The following CDH4 variants were observed in gnomAD, a reference collection of about 807,000 sequenced individuals.
CDH4 encodes cadherin-4.
In CDH4, 33 loss-of-function variants were observed where a neutral mutation model predicts 86.0. The observed-to-expected ratio is 0.38, with a 90% CI of 0.29 to 0.51. CDH4 has a LOEUF of 0.51. CDH4 is among the 20% of genes least tolerant of loss of function. The probability of loss-of-function intolerance (pLI) is 0.86; values close to 1 mark genes in which losing one functional copy is unlikely to be tolerated. For missense variants in CDH4, 1,114 were observed against 1,307.4 expected (o/e 0.85, Z 2.28); for synonymous variants, 555 against 549.4 (o/e 1.01, Z -0.14).
intron 6 of CDH4, among the ~76,000 whole-genome samples, chr20:61,853,304 T>G (rs1041739554): frequency 2.0e-5 from 3 of 151,878 alleles, no homozygotes; most frequent in Admixed American, 6.5e-5. Context: ...GGGAGCAAGG[T>G]GCCCATGCCA....
At chr20:61,873,980 C>G in intron 7 of CDH4, 80 bp downstream of exon 7, 4 of 1,487,034 alleles carry the variant, frequency 2.7e-6, no homozygotes, top group Middle Eastern at 1.8e-4. Flanking sequence ...CGGGGAGCCT[C>G]TCCAGTGGCG....
chr20:61,911,548 G>A (rs1023098580), intron 9 of CDH4, among the ~76,000 whole-genome samples: 3 of 152,270 alleles, frequency 2.0e-5, no homozygotes, highest in African/African-American at 7.2e-5. Flanking sequence ...TTAGAGAAAA[G>A]GAGGGGTGAC....
intron 2 of CDH4, among the ~76,000 whole-genome samples, chr20:61,608,548 C>T (rs1008750053): frequency 6.6e-6 from 1 of 152,248 alleles, no homozygotes; most frequent in Non-Finnish European, 1.5e-5. Flanking sequence ...AAGGACTGCA[C>T]TTGTTCTTCC....
At chr20:61,560,848 C>G (rs1024265283) in intron 2 of CDH4, among the ~76,000 whole-genome samples, 3 of 152,030 alleles carry the variant, frequency 2.0e-5, no homozygotes, top group African/African-American at 7.3e-5. Flanking sequence ...CTCTGGACCT[C>G]CATACTGGAT....
At chr20:61,746,658 C>T (rs926819181) in intron 3 of CDH4, among the ~76,000 whole-genome samples, 1 of 152,254 alleles carries the variant, frequency 6.6e-6, no homozygotes, top group African/African-American at 2.4e-5. Context: ...AGAATTCACA[C>T]AACTTTGAGG....
intron 2 of CDH4, among the ~76,000 whole-genome samples, chr20:61,397,590 A>T (rs17806693): frequency 0.11 from 17,153 of 152,110 alleles, 1,211 homozygotes; most frequent in Non-Finnish European, 0.16. Flanking sequence ...ACTTTTTGTA[A>T]ATCCTGTCAT....
intron 2 of CDH4, among the ~76,000 whole-genome samples, chr20:61,728,799 CG>C (rs1376052719): frequency 3.9e-5 from 6 of 152,130 alleles, no homozygotes; most frequent in African/African-American, 1.2e-4. Context: ...AAAAATGTGA[CG>C]TTTTTAAGAG....
At chr20:61,670,323 A>G (rs986912652) in intron 2 of CDH4, among the ~76,000 whole-genome samples, 11 of 152,190 alleles carry the variant, frequency 7.2e-5, no homozygotes, top group Non-Finnish European at 1.3e-4. Context: ...AGGAAGAGAA[A>G]AACTGTTTTC....
chr20:61,680,257 A>G (rs1600867707), intron 2 of CDH4, among the ~76,000 whole-genome samples: 1 of 152,196 alleles, frequency 6.6e-6, no homozygotes, highest in Non-Finnish European at 1.5e-5. Context: ...GATCCAGACC[A>G]TAAGGAGGGA....
rs1173803901 is a variant in CDH4 at position 61,929,669 on chromosome 20, C to T, written c.2066C>T (p.Pro689Leu). 6.2e-7 allele frequency: 1 copy of T among 1,614,132 alleles called. No homozygotes were observed. Among genetic ancestry groups the T allele is most frequent in the Non-Finnish European group, 8.5e-7 (1 of 1,180,030 alleles). Reference sequence around the variant, plus strand: ...CTGGAGGCCGGGATGTATGACGTCCCCATCATCGTCACAGACTCTGGAAAC... The same window carrying T: ...CTGGAGGCCGGGATGTATGACGTCCTCATCATCGTCACAGACTCTGGAAAC... The part of the protein sequence containing the change: ...LYLEAGMYDV[P>L]IIVTDSGNPP... Residue 689 changes from proline to leucine, a missense_variant, in exon 13 of 16, where the codon CCC becomes CTC. Around this residue, in one of 3 missense-constraint regions of CDH4, gnomAD observed 705 missense variants for 914.1 expected, o/e 0.77. Transcript: ENST00000614565.
rs997980627 is a variant in CDH4 at position 61,708,249 on chromosome 20, C to A, written c.170-35314C>A. Among the ~76,000 whole-genome samples the A allele has an allele frequency of 6.6e-6, 1 of 152,136 alleles. No individual in the cohort carries two copies. Among genetic ancestry groups the A allele is most frequent in the Non-Finnish European group, 1.5e-5 (1 of 67,996 alleles). On this transcript the variant is annotated intron_variant, in intron 2 of 15. Transcript: ENST00000614565. The surrounding 1 kb of genome is among the most constrained non-coding windows in gnomAD (Gnocchi z 4.5). ...ACAGGGCTGAGTGTAGCGTGGCCAG[C>A]AGGGGGTTGACTTTTACCCCGAACC...
At chr20:61,499,875 C>T (rs762110312) in intron 2 of CDH4, among the ~76,000 whole-genome samples, 1 of 152,166 alleles carries the variant, frequency 6.6e-6, no homozygotes, top group Admixed American at 6.5e-5. Context: ...TTGTTTTCTC[C>T]CCTCCAGATG....
intron 2 of CDH4, among the ~76,000 whole-genome samples, chr20:61,499,651 G>C (rs1196900000): frequency 6.6e-6 from 1 of 152,120 alleles, no homozygotes. Context: ...ACAGATCCCA[G>C]CCCACAAACG....
In CDH4 at chr20:61,853,514, G is replaced by C. The variant is rs542629314; in HGVS notation, c.877+616G>C. Among the ~76,000 whole-genome samples the C allele has an allele frequency of 9.2e-5, 14 of 152,252 alleles. No homozygotes were observed. The East Asian group carries it at 2.7e-3, about 29-fold the overall frequency. ...CCCCCGAGACTTCACTCTGGCACCG[G>C]TGGTGGCGCCTGCTTTTTCATGTGT... On this transcript the variant is annotated intron_variant, in intron 6 of 15. Transcript: ENST00000614565.
chr20:61,578,077 G>A (rs2086397553), intron 2 of CDH4, among the ~76,000 whole-genome samples: 1 of 152,046 alleles, frequency 6.6e-6, no homozygotes, highest in Admixed American at 6.6e-5. Context: ...TCTGTGTCCC[G>A]ACCCTCAGCT....
At chr20:61,317,036 A>G (rs536969425) in intron 2 of CDH4, among the ~76,000 whole-genome samples, 3 of 148,080 alleles carry the variant, frequency 2.0e-5, no homozygotes, top group East Asian at 4.0e-4. Flanking sequence ...TAGTTTATTT[A>G]TATACTTATT....
chr20:61,746,398 C>A (rs1355468338), intron 3 of CDH4, among the ~76,000 whole-genome samples: 1 of 152,194 alleles, frequency 6.6e-6, no homozygotes, highest in East Asian at 1.9e-4. Context: ...AGCACCCACT[C>A]AGACCTTGCC....
intron 2 of CDH4, among the ~76,000 whole-genome samples, chr20:61,636,928 T>G (rs553773169): frequency 6.6e-6 from 1 of 152,264 alleles, no homozygotes; most frequent in Admixed American, 6.5e-5. Flanking sequence ...TCACCTCCCC[T>G]GATGGTCCCC....
chr20:61,362,479 C>G (rs2084789199), intron 2 of CDH4, among the ~76,000 whole-genome samples: 1 of 147,690 alleles, frequency 6.8e-6, no homozygotes, highest in South Asian at 2.2e-4. Flanking sequence ...TAGGGGAGAG[C>G]AGAGACATGG....
Sources: allele counts gnomAD v4.1 joint callset (sites outside exome capture counted in the v4.1 genomes callset), GRCh38; gene constraint gnomAD v4.1.1; regional missense constraint gnomAD v4.1.1; non-coding constraint Gnocchi (gnomAD v3.1); transcripts MANE v1.5; gene names NCBI Gene and HGNC (gene_info 2026-07-23, HGNC 2026-07-21).